Variants in TRIM2 observed in about 807,000 individuals in gnomAD.
The protein encoded by TRIM2 is tripartite motif-containing protein 2.
TRIM2 carries 20 observed loss-of-function variants against 75.2 expected under a neutral mutation model. That is an observed-to-expected ratio of 0.27 (90% CI 0.19 to 0.39). The LOEUF (loss-of-function observed/expected upper bound fraction) is 0.39. Among genes scored for constraint, TRIM2 ranks in the 10% least tolerant of loss-of-function variants. The probability of loss-of-function intolerance (pLI) is 1.00; values close to 1 mark genes in which losing one functional copy is unlikely to be tolerated. For missense variants in TRIM2, 660 were observed against 990.8 expected (o/e 0.67, Z 4.48); for synonymous variants, 373 against 388.3 (o/e 0.96, Z 0.46).
At chr4:153,205,228 A>C (rs1483965472) in intron 1 of TRIM2, among the ~76,000 whole-genome samples, 1 of 152,104 alleles carries the variant, frequency 6.6e-6, no homozygotes, top group African/African-American at 2.4e-5. Context: ...ACGCCATGTG[A>C]GTCGGGGGTG....
At position 153,335,398 on chromosome 4, in the gene TRIM2, A is replaced by G. The variant is rs1772337584; in HGVS notation, c.*432A>G. ...TACTTCATTTAACCTAGGTCACAAG[A>G]CCCAGGGAATCTTCTAACCTCACTT... is the stretch of plus-strand genomic sequence containing the variant. On this transcript the variant is annotated 3_prime_UTR_variant, in exon 12 of 12. Transcript: ENST00000338700. 1.0e-6 allele frequency: 1 copy of G among 985,838 alleles called. No individual in the cohort carries two copies. The highest frequency in any genetic ancestry group is 1.2e-6 in the Non-Finnish European group (1 of 830,296). 61.1% of individuals were successfully genotyped at this position (985,838 alleles called of 1,614,324 possible). A position where few individuals can be genotyped will look rare whatever the true frequency, so the allele number is the denominator to read the frequency against.
Position 153,257,392 on chromosome 4 carries a change from G to T in TRIM2, c.31-12943G>T, listed in dbSNP as rs1456468353. The T allele has an allele frequency of 6.2e-6, 7 of 1,132,946 alleles. No homozygotes were observed. In the African/African-American group the frequency reaches 9.8e-5, roughly 16 times the overall value. The allele number at this position is 1,132,946 out of a possible 1,614,324, so 70.2% of individuals were successfully genotyped here. On this transcript the variant is annotated intron_variant, in intron 1 of 11. Coordinates refer to ENST00000338700, the MANE Select transcript of TRIM2 (RefSeq NM_015271.5). ...GTTTGCTGCAGTCTTTTCAACAGAC[G>T]CTCAGTGAGAAAAAGATGTCCTGTA...
intron 1 of TRIM2, among the ~76,000 whole-genome samples, chr4:153,206,258 C>T (rs1345512708): frequency 6.6e-6 from 1 of 152,210 alleles, no homozygotes; most frequent in Non-Finnish European, 1.5e-5. Flanking sequence ...GTCACTTGTG[C>T]TTCTGACTAG....
intron 1 of TRIM2, among the ~76,000 whole-genome samples, chr4:153,173,434 G>T (rs1235463974): frequency 2.0e-5 from 3 of 150,656 alleles, no homozygotes; most frequent in Admixed American, 1.3e-4. Flanking sequence ...GAGGCCGAGG[G>T]GGGTGGATTA....
chr4:153,289,544 T>A (rs1187015771), intron 3 of TRIM2, among the ~76,000 whole-genome samples: 1 of 152,206 alleles, frequency 6.6e-6, no homozygotes, highest in African/African-American at 2.4e-5. Flanking sequence ...TCTTGAGGAT[T>A]TTTTACATTT....
intron 8 of TRIM2, among the ~76,000 whole-genome samples, chr4:153,319,451 G>A (rs1426105238): frequency 2.6e-5 from 4 of 152,062 alleles, no homozygotes; most frequent in African/African-American, 4.8e-5. Flanking sequence ...TTGCTGGGCC[G>A]GGCACAGTGG....
upstream of TRIM2, among the ~76,000 whole-genome samples, chr4:153,199,588 A>G (rs556328030): frequency 6.6e-6 from 1 of 152,116 alleles, no homozygotes; most frequent in African/African-American, 2.4e-5. Context: ...GTCAGTTATT[A>G]TTATTATTAT....
rs1327487525 is a variant in TRIM2, at chr4:153,273,362, A to G, written c.216-2531A>G. Among the ~76,000 whole-genome samples the G allele has an allele frequency of 6.9e-4, 69 of 99,558 alleles. 1 individual carries two copies. The highest frequency in any genetic ancestry group is 8.3e-3 in the Middle Eastern group (1 of 120). The allele number at this position is 99,558 out of a possible 152,430, so 65.3% of individuals were successfully genotyped here. ...GCGATCTCGGCTCACTGCAAGCTCCACCTCCCGGGTTCACGCCATTCTCCT... is the reference window on the plus strand; with the variant it reads ...GCGATCTCGGCTCACTGCAAGCTCCGCCTCCCGGGTTCACGCCATTCTCCT... On this transcript the variant is annotated intron_variant, in intron 2 of 11. Transcript: ENST00000338700.
At chr4:153,254,776 A>G (rs1751663184) in intron 1 of TRIM2, among the ~76,000 whole-genome samples, 1 of 152,104 alleles carries the variant, frequency 6.6e-6, no homozygotes, top group Non-Finnish European at 1.5e-5. Context: ...AGCCCCCAAA[A>G]CCCATTTAAC....
At position 153,337,280 on chromosome 4, in the gene TRIM2, C is replaced by T. The variant is rs1579862878; in HGVS notation, c.*2314C>T. 1.0e-5 allele frequency: 10 copies of T among 985,568 alleles called. No individual in the cohort carries two copies. Among genetic ancestry groups the T allele is most frequent in the Admixed American group, 6.2e-5 (1 of 16,260 alleles). The allele number at this position is 985,568 out of a possible 1,614,324, so 61.1% of individuals were successfully genotyped here. A position where few individuals can be genotyped will look rare whatever the true frequency, so the allele number is the denominator to read the frequency against. ...CTAGTTGATTTAAAGAGTTTTTTTG[C>T]ACAACATTTCAATTATATTTGTGAA... On this transcript the variant is annotated 3_prime_UTR_variant, in exon 12 of 12. Coordinates refer to ENST00000338700, the MANE Select transcript of TRIM2 (RefSeq NM_015271.5).
At chr4:153,320,786 C>T (rs1579700142) in intron 8 of TRIM2, among the ~76,000 whole-genome samples, 1 of 152,090 alleles carries the variant, frequency 6.6e-6, no homozygotes, top group Admixed American at 6.5e-5. Flanking sequence ...GCACCCACCA[C>T]CACACCCAGC....
intron 1 of TRIM2, among the ~76,000 whole-genome samples, chr4:153,194,807 G>A (rs1411881581): frequency 2.6e-5 from 4 of 152,158 alleles, no homozygotes; most frequent in Non-Finnish European, 4.4e-5. Context: ...TTCTTCTTAA[G>A]TTGGAGATGA....
intron 8 of TRIM2, among the ~76,000 whole-genome samples, chr4:153,317,909 G>A (rs1579671760): frequency 2.0e-5 from 3 of 151,700 alleles, no homozygotes; most frequent in African/African-American, 4.8e-5. Context: ...GCAGTCACCC[G>A]TGACTACACC....
intron 1 of TRIM2, among the ~76,000 whole-genome samples, chr4:153,170,231 T>G (rs1730708040): frequency 6.6e-6 from 1 of 152,238 alleles, no homozygotes; most frequent in South Asian, 2.1e-4. Context: ...ACAGTAACTT[T>G]CATTCTGATT....
chr4:153,222,015 GAAA>G (rs1416177104), intron 1 of TRIM2, among the ~76,000 whole-genome samples: 2 of 117,634 alleles, frequency 1.7e-5, no homozygotes, highest in Non-Finnish European at 3.6e-5. Context: ...AAGAAGGAAG[GAAA>G]GAGCAAGGAA....
intron 1 of TRIM2, among the ~76,000 whole-genome samples, chr4:153,265,176 A>G (rs759312679): frequency 6.6e-6 from 1 of 152,130 alleles, no homozygotes; most frequent in African/African-American, 2.4e-5. Flanking sequence ...AAAAAAAGGA[A>G]TAAAGTCCAA....
In TRIM2 at chr4:153,324,330, T is replaced by C. The variant is rs2091435127; in HGVS notation, c.2022+182T>C. On this transcript the variant is annotated intron_variant, in intron 10 of 11. Transcript: ENST00000338700. ...TACAGACCTTGGAAAGTCAGGAAATTGAATAAAATGTGGTGGCAATAAGTT... is the reference window on the plus strand; with the variant it reads ...TACAGACCTTGGAAAGTCAGGAAATCGAATAAAATGTGGTGGCAATAAGTT... The C allele has an allele frequency of 6.7e-6, 3 of 444,532 alleles. No individual in the cohort carries two copies. The East Asian group carries it at 1.3e-4, about 20-fold the overall frequency. The allele number at this position is 444,532 out of a possible 1,614,324, so 27.5% of individuals were successfully genotyped here. A position where few individuals can be genotyped will look rare whatever the true frequency, so the allele number is the denominator to read the frequency against.
intron 6 of TRIM2, among the ~76,000 whole-genome samples, chr4:153,301,139 C>G (rs1362737945): frequency 3.3e-5 from 5 of 151,296 alleles, no homozygotes; most frequent in Non-Finnish European, 7.4e-5. Context: ...TGCAGTGAGC[C>G]AAGATCGCGC....
In TRIM2 at chr4:153,322,785, T is replaced by C. The variant is rs758879031; in HGVS notation, c.1920T>C (p.Gly640=). The C allele has an allele frequency of 8.1e-6, 13 of 1,614,190 alleles. No individual in the cohort carries two copies. In the East Asian group the frequency reaches 2.7e-4, roughly 33 times the overall value. ...ACGGGAAAATAGTCACCAGGTTTGG[T>C]AGCCGAGGAAATGGGGACAGGCAGT... is the stretch of plus-strand genomic sequence containing the variant. ...QPNGKIVTRF[G]SRGNGDRQFA... Residue 640 remains glycine (G), a synonymous_variant, in exon 9 of 12, where the codon GGT becomes GGC. Coordinates refer to ENST00000338700, the MANE Select transcript of TRIM2 (RefSeq NM_015271.5).
Sources: gnomAD v4.1 joint callset for allele counts (sites outside exome capture counted in the v4.1 genomes callset) on GRCh38, gnomAD v4.1.1 for gene constraint, MANE v1.5 for transcripts, NCBI Gene and HGNC (gene_info 2026-07-23, HGNC 2026-07-21) for gene names.